The following KIF26B variants were observed in gnomAD, a reference collection of about 807,000 sequenced individuals.
KIF26B encodes the protein kinesin family member 26B, also known as kinesin-like protein KIF26B.
KIF26B carries 63 observed loss-of-function variants against 151.2 expected under a neutral mutation model. The ratio of observed to expected loss-of-function variants is 0.42; its 90% CI spans 0.34 to 0.51. The LOEUF (loss-of-function observed/expected upper bound fraction) is 0.51. Among genes scored for constraint, KIF26B ranks in the 20% least tolerant of loss-of-function variants. The pLI is 0.07. For missense variants in KIF26B, 2,813 were observed against 2,913.6 expected, an observed-to-expected ratio of 0.97 and a Z score of 0.79; for synonymous variants, 1,357 against 1,262.1, an observed-to-expected ratio of 1.08 and a Z score of -1.59.
Position 245,686,989 on chromosome 1 carries a change from A to T in KIF26B, c.4006A>T (p.Ser1336Cys). The change falls in exon 12 of 15, where the codon AGC becomes TGC. Residue 1336 changes from serine (S) to cysteine (C), a missense_variant. Physicochemically the swap from Ser to Cys is moderately radical, Grantham distance 112 (BLOSUM62 -1). This residue lies in a region of KIF26B where 2,060 missense variants were observed against 2,088.6 expected (regional missense o/e 0.99). Coordinates refer to ENST00000407071, the MANE Select transcript of KIF26B (RefSeq NM_018012.4). This position sits in a 1 kb window ranked among gnomAD's most constrained non-coding sequence, Gnocchi z 5.6. ...GGTGTGCAGAGAGAAGCCCAAGGCCAGCCCCGACAACTTGCTCATCCTGTC... is the reference window on the plus strand; with the variant it reads ...GGTGTGCAGAGAGAAGCCCAAGGCCTGCCCCGACAACTTGCTCATCCTGTC... The part of the protein sequence containing the change: ...AVVCREKPKA[S>C]PDNLLILSEM... 1.2e-6 allele frequency: 2 copies of T among 1,613,674 alleles called. No homozygotes were observed. Among genetic ancestry groups the T allele is most frequent in the Non-Finnish European group, 8.5e-7 (1 of 1,179,854 alleles).
chr1:245,253,953 G>T (rs1573735256), intron 2 of KIF26B, among the ~76,000 whole-genome samples: 1 of 151,622 alleles, frequency 6.6e-6, no homozygotes, highest in African/African-American at 2.4e-5. Context: ...GGGACTACAG[G>T]CGCCCGCCAC....
At chr1:245,235,030 A>C (rs985989739) in intron 2 of KIF26B, among the ~76,000 whole-genome samples, 3 of 152,054 alleles carry the variant, frequency 2.0e-5, no homozygotes, top group African/African-American at 7.2e-5. Flanking sequence ...TGGAGCTGAG[A>C]GTGTCAACTG....
intron 2 of KIF26B, among the ~76,000 whole-genome samples, chr1:245,246,904 CACAG>C (rs1558360432): frequency 1.3e-4 from 19 of 150,302 alleles, no homozygotes; most frequent in African/African-American, 4.0e-4. Context: ...GACACACACA[CACAG>C]ACACAGACAC....
Position 245,672,624 on chromosome 1 carries a change from C to T in KIF26B, c.2259-11609C>T, listed in dbSNP as rs577757527. Reference sequence around the variant, plus strand: ...AGATCAGAACACAGTCAAGTGAATACAAATGCAACAGCTGCTTGGGGCTCA... The same window carrying T: ...AGATCAGAACACAGTCAAGTGAATATAAATGCAACAGCTGCTTGGGGCTCA... On this transcript the variant is annotated intron_variant, in intron 10 of 14. Coordinates refer to ENST00000407071, the MANE Select transcript of KIF26B (RefSeq NM_018012.4). Among the ~76,000 whole-genome samples the T allele has an allele frequency of 1.9e-3, 283 of 152,260 alleles. 4 individuals carry two copies. The highest frequency in any genetic ancestry group is 2.8e-3 in the Non-Finnish European group (190 of 68,026).
intron 5 of KIF26B, among the ~76,000 whole-genome samples, chr1:245,570,560 C>T (rs1446651851): frequency 3.9e-5 from 6 of 152,298 alleles, no homozygotes; most frequent in Middle Eastern, 3.4e-3. Flanking sequence ...CTGTTCCCTT[C>T]GTTTGGCACC....
chr1:245,175,331 G>A (rs1248148138), intron 2 of KIF26B, among the ~76,000 whole-genome samples: 1 of 152,108 alleles, frequency 6.6e-6, no homozygotes, highest in Non-Finnish European at 1.5e-5. Context: ...CTAGAAGTAA[G>A]TCTGGGAAAA....
At position 245,688,811 on chromosome 1, in the gene KIF26B, G is replaced by C. The variant is rs2044579702; in HGVS notation, c.5824+4G>C. 1 of 1,564,594 alleles carries C rather than the reference G, an allele frequency of 6.4e-7. No individual in the cohort carries two copies. Among genetic ancestry groups the C allele is most frequent in the African/African-American group, 1.4e-5 (1 of 73,346 alleles). The stretch of plus-strand genomic sequence containing the variant: ...CCGAAGAAACGCTCCAATCCAGGTA[G>C]GCGGCTGGGCGCAGGGACGCGGGTG... On this transcript the variant is annotated splice_donor_region_variant and intron_variant, in intron 12 of 14. Transcript: ENST00000407071.
chr1:245,585,576 C>A (rs972321434), intron 5 of KIF26B, among the ~76,000 whole-genome samples: 3 of 152,156 alleles, frequency 2.0e-5, no homozygotes, highest in Non-Finnish European at 2.9e-5. Context: ...TCCCTAGCTA[C>A]CTCCAGTATG....
At chr1:245,159,843 T>C (rs1403779677) in intron 2 of KIF26B, among the ~76,000 whole-genome samples, 9 of 152,186 alleles carry the variant, frequency 5.9e-5, no homozygotes, top group Non-Finnish European at 1.2e-4. Context: ...AACCATCTTA[T>C]TCTGAGCACT....
chr1:245,593,258 G>A (rs911058024), intron 5 of KIF26B, among the ~76,000 whole-genome samples: 1 of 152,108 alleles, frequency 6.6e-6, no homozygotes, highest in African/African-American at 2.4e-5. Flanking sequence ...TGCCATGGTG[G>A]TTTGCTGCAC....
intron 2 of KIF26B, among the ~76,000 whole-genome samples, chr1:245,320,272 C>T (rs1007395195): frequency 6.6e-6 from 1 of 152,176 alleles, no homozygotes; most frequent in Non-Finnish European, 1.5e-5. Flanking sequence ...AAAGCTACTT[C>T]CTCAAAATCC....
rs1015371219 is a variant in KIF26B, at chr1:245,239,008, G to A, written c.465+82325G>A. The stretch of plus-strand genomic sequence containing the variant: ...GTAGACCCGACTTTGAGGAGCTCTT[G>A]ATATGGAGACGTGGTTTCTTACGTC... On this transcript the variant is annotated intron_variant, in intron 2 of 14. Transcript: ENST00000407071. This position sits in a 1 kb window ranked among gnomAD's most constrained non-coding sequence, Gnocchi z 4.3. Among the ~76,000 whole-genome samples, 1 of 152,208 alleles carries A rather than the reference G, an allele frequency of 6.6e-6. No homozygotes were observed. The highest frequency in any genetic ancestry group is 2.4e-5 in the African/African-American group (1 of 41,452).
intron 2 of KIF26B, among the ~76,000 whole-genome samples, chr1:245,162,829 T>C (rs554622631): frequency 2.0e-5 from 3 of 152,312 alleles, no homozygotes; most frequent in South Asian, 2.1e-4. Context: ...TCTGAGAAAA[T>C]TGGAAATGAG....
chr1:245,423,204 T>G (rs986861051), intron 4 of KIF26B, among the ~76,000 whole-genome samples: 1 of 151,972 alleles, frequency 6.6e-6, no homozygotes, highest in African/African-American at 2.4e-5. Flanking sequence ...TTGTGGCCAA[T>G]GTGGCTGACG....
At chr1:245,493,279 A>G (rs889212014) in intron 4 of KIF26B, among the ~76,000 whole-genome samples, 2 of 152,202 alleles carry the variant, frequency 1.3e-5, no homozygotes, top group African/African-American at 4.8e-5. Flanking sequence ...ATAATCATCC[A>G]GTTAGTCAAG....
chr1:245,684,420 G>C (rs763274043), intron 11 of KIF26B, 25 bp downstream of exon 11: 7 of 1,551,022 alleles, frequency 4.5e-6, no homozygotes, highest in Non-Finnish European at 6.1e-6. Flanking sequence ...GGGTGGGGGG[G>C]TGGTGGATGA....
chr1:245,535,776 C>T (rs1406477980), intron 4 of KIF26B, among the ~76,000 whole-genome samples: 2 of 152,196 alleles, frequency 1.3e-5, no homozygotes, highest in African/African-American at 4.8e-5. Flanking sequence ...CAATACAGGA[C>T]ACATAGGCCT....
At chr1:245,620,387 T>C (rs1404021645) in intron 9 of KIF26B, among the ~76,000 whole-genome samples, 2 of 149,606 alleles carry the variant, frequency 1.3e-5, no homozygotes, top group Admixed American at 6.8e-5. Flanking sequence ...TCACACAAAA[T>C]TCAACATCGT....
At chr1:245,351,323 G>A (rs1672564901) in intron 2 of KIF26B, among the ~76,000 whole-genome samples, 1 of 152,176 alleles carries the variant, frequency 6.6e-6, no homozygotes, top group Non-Finnish European at 1.5e-5. Context: ...GTTGCAAACT[G>A]GGAAGTGCAT....
Sources: allele counts gnomAD v4.1 joint callset (sites outside exome capture counted in the v4.1 genomes callset), GRCh38; gene constraint gnomAD v4.1.1; regional missense constraint gnomAD v4.1.1; non-coding constraint Gnocchi (gnomAD v3.1); transcripts MANE v1.5; gene names NCBI Gene and HGNC (gene_info 2026-07-23, HGNC 2026-07-21).